The following TMEFF2 variants were observed in gnomAD, a reference collection of about 807,000 sequenced individuals.
The protein encoded by TMEFF2 is tomoregulin-2.
A neutral mutation model predicts 53.8 loss-of-function variants in TMEFF2; 28 were observed. That is an observed-to-expected ratio of 0.52 (90% CI 0.39 to 0.71). The LOEUF (loss-of-function observed/expected upper bound fraction) is 0.71. Ranked by LOEUF, TMEFF2 falls within the 30% of genes least tolerant of loss-of-function variation. The probability of loss-of-function intolerance (pLI) is 0.00; values close to 1 mark genes in which losing one functional copy is unlikely to be tolerated. For missense variants in TMEFF2, 353 were observed against 455.2 expected, an observed-to-expected ratio of 0.78 and a Z score of 2.04; for synonymous variants, 162 against 166.3, an observed-to-expected ratio of 0.97 and a Z score of 0.20.
At chr2:192,115,432 T>C (rs1341820743) in intron 4 of TMEFF2, among the ~76,000 whole-genome samples, 1 of 151,920 alleles carries the variant, frequency 6.6e-6, no homozygotes, top group Non-Finnish European at 1.5e-5. Flanking sequence ...TTGGCAATTA[T>C]TTTTTGGATA....
At chr2:192,079,537 C>G (rs1164348891) in intron 4 of TMEFF2, among the ~76,000 whole-genome samples, 1 of 152,096 alleles carries the variant, frequency 6.6e-6, no homozygotes, top group Non-Finnish European at 1.5e-5. Context: ...GTTCTGCAGG[C>G]CTAGACGGTC....
chr2:192,121,497 A>G (rs16824104), intron 4 of TMEFF2, among the ~76,000 whole-genome samples: 22,343 of 152,104 alleles, frequency 0.15, 2,373 homozygotes, highest in African/African-American at 0.28. Flanking sequence ...AGATAAGGCT[A>G]AACTGGAGTG....
At chr2:191,971,190 A>G (rs1237091813) in intron 7 of TMEFF2, among the ~76,000 whole-genome samples, 1 of 152,212 alleles carries the variant, frequency 6.6e-6, no homozygotes, top group South Asian at 2.1e-4. Flanking sequence ...GCTGGAGATT[A>G]GTTATTAACT....
chr2:192,045,157 C>T lies in TMEFF2; in HGVS notation c.536+12522G>A, dbSNP rs559987321. Among the ~76,000 whole-genome samples, 20 of 152,348 alleles carry T rather than the reference C, an allele frequency of 1.3e-4. 1 individual carries two copies. Among genetic ancestry groups the T allele is most frequent in the Admixed American group, 9.2e-4 (14 of 15,300 alleles). On this transcript the variant is annotated intron_variant, in intron 5 of 9. Transcript: ENST00000272771. ...TTTACAGAAGATTCTGCATGATATA[C>T]AGCTACCACCTGAAAGTGGGCAGCT... is the stretch of plus-strand genomic sequence containing the variant.
intron 4 of TMEFF2, among the ~76,000 whole-genome samples, chr2:192,102,096 A>C (rs1190787013): frequency 6.6e-6 from 1 of 152,174 alleles, no homozygotes; most frequent in Non-Finnish European, 1.5e-5. Flanking sequence ...AGGAATTAGA[A>C]AGCTAAATAA....
At chr2:192,024,357 A>T (rs1183409477) in intron 5 of TMEFF2, among the ~76,000 whole-genome samples, 1 of 152,188 alleles carries the variant, frequency 6.6e-6, no homozygotes, top group African/African-American at 2.4e-5. Flanking sequence ...TTTTAAAAAT[A>T]TGATGGATTC....
chr2:192,024,466 G>A (rs192172118), intron 5 of TMEFF2, among the ~76,000 whole-genome samples: 3 of 152,182 alleles, frequency 2.0e-5, no homozygotes, highest in South Asian at 2.1e-4. Context: ...GCTGTGTCAG[G>A]CATGTGGAGA....
intron 5 of TMEFF2, among the ~76,000 whole-genome samples, chr2:192,048,348 T>C (rs1687674799): frequency 8.0e-6 from 1 of 125,514 alleles, no homozygotes; most frequent in South Asian, 2.6e-4. Flanking sequence ...AAAATATTAT[T>C]AGATTCTCAT....
chr2:192,135,621 G>A lies in TMEFF2; in HGVS notation c.439+44047C>T, dbSNP rs190771630. ...TCCATACCACCCCCCAAAAATTTTCGCCGCCCCAACACTTCAACACTATTT... is the reference window on the plus strand; with the variant it reads ...TCCATACCACCCCCCAAAAATTTTCACCGCCCCAACACTTCAACACTATTT... On this transcript the variant is annotated intron_variant, in intron 4 of 9. Coordinates refer to ENST00000272771, the MANE Select transcript of TMEFF2 (RefSeq NM_016192.4). Among the ~76,000 whole-genome samples the A allele has an allele frequency of 0.043, 6,493 of 151,288 alleles. 738 individuals are homozygous for A. In the East Asian group the frequency reaches 0.47, roughly 11 times the overall value.
intron 4 of TMEFF2, among the ~76,000 whole-genome samples, chr2:192,075,393 CATGT>C (rs1688411025): frequency 7.0e-6 from 1 of 142,754 alleles, no homozygotes; most frequent in Admixed American, 7.2e-5. Flanking sequence ...CTAATTCTTC[CATGT>C]ATAAATTTTG....
chr2:192,023,162 G>A (rs942426831), intron 5 of TMEFF2, among the ~76,000 whole-genome samples: 1 of 152,104 alleles, frequency 6.6e-6, no homozygotes, highest in African/African-American at 2.4e-5. Context: ...CAGGTTGATG[G>A]ACAAAGTTCT....
At chr2:191,989,280 G>T (rs1448434134) in intron 7 of TMEFF2, among the ~76,000 whole-genome samples, 1 of 152,184 alleles carries the variant, frequency 6.6e-6, no homozygotes, top group Non-Finnish European at 1.5e-5. Context: ...AACACAGGTG[G>T]ACTGAGTGGG....
intron 5 of TMEFF2, among the ~76,000 whole-genome samples, chr2:192,040,861 AATTTG>A (rs1282723579): frequency 2.0e-5 from 3 of 152,122 alleles, no homozygotes; most frequent in Non-Finnish European, 4.4e-5. Context: ...GTGTCCAAAA[AATTTG>A]ATGATGAAAG....
intron 4 of TMEFF2, among the ~76,000 whole-genome samples, chr2:192,157,173 C>T (rs1314792152): frequency 1.3e-5 from 2 of 151,998 alleles, no homozygotes; most frequent in African/African-American, 2.4e-5. Context: ...TTCTTTAGAA[C>T]AGAAGGTGTT....
At chr2:192,038,736 C>T (rs960848470) in intron 5 of TMEFF2, among the ~76,000 whole-genome samples, 3 of 152,080 alleles carry the variant, frequency 2.0e-5, no homozygotes, top group East Asian at 3.9e-4. Context: ...CTACCTGCCT[C>T]GGCCTCCCAA....
At chr2:191,970,968 C>G (rs1692623223) in intron 7 of TMEFF2, among the ~76,000 whole-genome samples, 1 of 152,182 alleles carries the variant, frequency 6.6e-6, no homozygotes, top group Non-Finnish European at 1.5e-5. Flanking sequence ...ACCCGTGATT[C>G]ATTGCATTTG....
At chr2:191,981,436 G>T (rs113419067) in intron 7 of TMEFF2, among the ~76,000 whole-genome samples, 3,157 of 152,174 alleles carry the variant, frequency 0.021, 119 homozygotes, top group African/African-American at 0.072. Context: ...CACATCAGCT[G>T]GAATCCCTGT....
At chr2:191,964,354 T>TTC (rs1553507932) in intron 7 of TMEFF2, among the ~76,000 whole-genome samples, 23 of 104,670 alleles carry the variant, frequency 2.2e-4, no homozygotes, top group African/African-American at 6.0e-4. Context: ...CTTTCTTTCT[T>TTC]TCTTTCTTTC....
chr2:191,983,891 T>C (rs992495056), intron 7 of TMEFF2, among the ~76,000 whole-genome samples: 3 of 152,202 alleles, frequency 2.0e-5, no homozygotes, highest in African/African-American at 7.2e-5. Flanking sequence ...GTGAATCCAG[T>C]GAGAAAGAAC....
Sources: allele counts gnomAD v4.1 joint callset (sites outside exome capture counted in the v4.1 genomes callset), GRCh38; gene constraint gnomAD v4.1.1; transcripts MANE v1.5; gene names NCBI Gene and HGNC (gene_info 2026-07-23, HGNC 2026-07-21).